Variants in DAB1 observed in about 807,000 individuals in gnomAD.
The protein encoded by DAB1 is disabled homolog 1.
Under a neutral mutation model 64.6 loss-of-function variants are expected in DAB1, and 15 were observed. That is an observed-to-expected ratio of 0.23 (90% CI 0.16 to 0.36). The LOEUF (loss-of-function observed/expected upper bound fraction) is 0.36, where lower values mean the gene tolerates loss of function less well. Ranked by LOEUF, DAB1 falls within the 10% of genes least tolerant of loss-of-function variation. The pLI, the probability that DAB1 is intolerant of heterozygous loss-of-function variation, is 1.00. For missense variants in DAB1, 596 were observed against 706.7 expected (o/e 0.84, Z 1.78); for synonymous variants, 235 against 251.9 (o/e 0.93, Z 0.64).
chr1:57,266,831 G>A (rs552547523), intron 2 of DAB1, among the ~76,000 whole-genome samples: 4 of 152,212 alleles, frequency 2.6e-5, no homozygotes, highest in Middle Eastern at 3.4e-3. Flanking sequence ...CCCTGTCCCC[G>A]ATGCAGGGGT....
At chr1:58,502,700 A>G (rs1645925478) in intron 3 of DAB1, among the ~76,000 whole-genome samples, 1 of 152,252 alleles carries the variant, frequency 6.6e-6, no homozygotes, top group African/African-American at 2.4e-5. Context: ...GTCAGAAATT[A>G]GACTACAATA....
At chr1:57,391,760 G>C (rs1682374544) in intron 1 of DAB1, among the ~76,000 whole-genome samples, 1 of 131,464 alleles carries the variant, frequency 7.6e-6, no homozygotes, top group Non-Finnish European at 1.6e-5. Context: ...TAAAGGCAGA[G>C]GAATAAACAC....
intron 7 of DAB1, among the ~76,000 whole-genome samples, chr1:57,643,592 C>CCA (rs1306668218): frequency 2.6e-5 from 4 of 152,028 alleles, no homozygotes; most frequent in Non-Finnish European, 4.4e-5. Context: ...TCAAAAGGAA[C>CCA]CACTATATAT....
intron 7 of DAB1, among the ~76,000 whole-genome samples, chr1:57,581,119 G>C (rs1171517709): frequency 1.3e-5 from 2 of 152,218 alleles, no homozygotes; most frequent in East Asian, 3.8e-4. Flanking sequence ...TGTGAGGCTG[G>C]TGGAACTCCT....
chr1:58,421,076 A>G (rs1235136587), intron 3 of DAB1, among the ~76,000 whole-genome samples: 1 of 152,182 alleles, frequency 6.6e-6, no homozygotes, highest in Non-Finnish European at 1.5e-5. Context: ...GCCACCTCTA[A>G]CATATCCACA....
chr1:58,222,455 C>G (rs1256255732), intron 4 of DAB1, among the ~76,000 whole-genome samples: 1 of 152,198 alleles, frequency 6.6e-6, no homozygotes, highest in Non-Finnish European at 1.5e-5. Flanking sequence ...TTCTATAGAA[C>G]TGACTTTCTA....
At chr1:58,505,988 A>C in intron 3 of DAB1, 1 of 766,322 alleles carries the variant, frequency 1.3e-6, no homozygotes, top group East Asian at 2.5e-5. Context: ...TTTACTAAGC[A>C]AAAGAAGTGA....
intron 1 of DAB1, among the ~76,000 whole-genome samples, chr1:57,343,285 C>T (rs1677787487): frequency 6.6e-6 from 1 of 152,162 alleles, no homozygotes; most frequent in Non-Finnish European, 1.5e-5. Flanking sequence ...TGTTTACAAA[C>T]CTTGAGCTAG....
intron 4 of DAB1, among the ~76,000 whole-genome samples, chr1:57,075,580 A>G (rs555667728): frequency 2.0e-5 from 3 of 152,318 alleles, no homozygotes; most frequent in Admixed American, 2.0e-4. Context: ...CTACAATTGC[A>G]TTATCACATT....
chr1:57,653,512 A>C (rs917908247), intron 6 of DAB1, among the ~76,000 whole-genome samples: 1 of 152,240 alleles, frequency 6.6e-6, no homozygotes, highest in African/African-American at 2.4e-5. Context: ...GCTAACACAA[A>C]TAATGTTGCA....
At chr1:57,021,251 A>G (rs1290430992) in intron 11 of DAB1, among the ~76,000 whole-genome samples, 1 of 152,206 alleles carries the variant, frequency 6.6e-6, no homozygotes, top group Admixed American at 6.5e-5. Context: ...TGGCTTGTCC[A>G]TAGCTTCCAA....
chr1:58,066,470 T>C (rs930146550), intron 5 of DAB1, among the ~76,000 whole-genome samples: 9 of 152,336 alleles, frequency 5.9e-5, no homozygotes, highest in African/African-American at 1.7e-4. Flanking sequence ...TTAACAATAA[T>C]AATAATTGCA....
intron 7 of DAB1, among the ~76,000 whole-genome samples, chr1:57,649,254 CTGTTGAAA>C (rs1166034883): frequency 6.6e-6 from 1 of 152,138 alleles, no homozygotes; most frequent in Non-Finnish European, 1.5e-5. Context: ...TAACATAGTT[CTGTTGAAA>C]ATCAAGCCAA....
intron 5 of DAB1, among the ~76,000 whole-genome samples, chr1:57,926,502 C>T (rs1644882151): frequency 6.6e-6 from 1 of 152,164 alleles, no homozygotes; most frequent in Non-Finnish European, 1.5e-5. Flanking sequence ...GCCTTGGAGT[C>T]TCAATATGCC....
At chr1:57,381,492 C>G (rs1438384199) in intron 1 of DAB1, among the ~76,000 whole-genome samples, 1 of 152,190 alleles carries the variant, frequency 6.6e-6, no homozygotes, top group African/African-American at 2.4e-5. Flanking sequence ...CCTGGTATCA[C>G]AGAGTTGCAT....
At chr1:58,531,275 T>C (rs1477439807) in intron 1 of DAB1, among the ~76,000 whole-genome samples, 1 of 152,178 alleles carries the variant, frequency 6.6e-6, no homozygotes, top group African/African-American at 2.4e-5. Context: ...GGAAGTTTAT[T>C]TTAAATAAAA....
intron 5 of DAB1, among the ~76,000 whole-genome samples, chr1:57,957,676 T>C (rs939743003): frequency 1.3e-5 from 2 of 151,436 alleles, no homozygotes; most frequent in East Asian, 1.9e-4. Context: ...TTTGGAAAAA[T>C]GAGGAAGAGC....
intron 3 of DAB1, among the ~76,000 whole-genome samples, chr1:58,503,006 A>T (rs1557443830): frequency 6.6e-6 from 1 of 152,160 alleles, no homozygotes; most frequent in Non-Finnish European, 1.5e-5. Context: ...CCTACTCACT[A>T]ATCAATTCAT....
rs556780194 is a variant in DAB1, at chr1:58,342,919, C to A, written n.309+433G>T. 1.1e-3 allele frequency among the ~76,000 whole-genome samples: 170 copies of A among 152,196 alleles called. 3 individuals carry two copies. Among genetic ancestry groups the A allele is most frequent in the Admixed American group, 3.4e-3 (52 of 15,282 alleles). On this transcript the variant is annotated intron_variant and non_coding_transcript_variant, in intron 4 of 20. Transcript: ENST00000485760. ...CAAATTTGGTGTCTCCACACTACAC[C>A]CCAAGTGTTCCCTCTAAGATTAAAA... is the stretch of plus-strand genomic sequence containing the variant.
Sources: gnomAD v4.1 joint callset for allele counts (sites outside exome capture counted in the v4.1 genomes callset) on GRCh38, gnomAD v4.1.1 for gene constraint, MANE v1.5 for transcripts, NCBI Gene and HGNC (gene_info 2026-07-23, HGNC 2026-07-21) for gene names.